The following ASIC2 variants were observed in gnomAD, a reference collection of about 807,000 sequenced individuals.
ASIC2 encodes acid sensing ion channel subunit 2.
Under a neutral mutation model 57.3 loss-of-function variants are expected in ASIC2, and 25 were observed. That is an observed-to-expected ratio of 0.44 (90% CI 0.32 to 0.61). The LOEUF (loss-of-function observed/expected upper bound fraction) is 0.61. ASIC2 is among the 20% of genes least tolerant of loss of function. The pLI is 0.06. For missense variants in ASIC2, 641 were observed against 738.1 expected (o/e 0.87, Z 1.52); for synonymous variants, 319 against 307.5 (o/e 1.04, Z -0.39).
intron 1 of ASIC2, among the ~76,000 whole-genome samples, chr17:34,020,231 G>T (rs1004513037): frequency 1.3e-5 from 2 of 152,040 alleles, no homozygotes; most frequent in African/African-American, 4.8e-5. Flanking sequence ...GTGGTCCCTG[G>T]GCCATAGTAG....
At chr17:33,399,837 T>C (rs113004889) in intron 1 of ASIC2, among the ~76,000 whole-genome samples, 19,001 of 152,214 alleles carry the variant, frequency 0.12, 1,252 homozygotes, top group Middle Eastern at 0.15. Flanking sequence ...ACACCGTCTC[T>C]GGGTTCAGTG....
At chr17:33,033,885 G>A (rs777146242) in intron 3 of ASIC2, among the ~76,000 whole-genome samples, 6 of 152,202 alleles carry the variant, frequency 3.9e-5, no homozygotes, top group Non-Finnish European at 5.9e-5. Flanking sequence ...CTCAGCCAGA[G>A]CAGAACAGAG....
intron 1 of ASIC2, among the ~76,000 whole-genome samples, chr17:33,590,364 G>A (rs1904786353): frequency 6.6e-6 from 1 of 152,122 alleles, no homozygotes; most frequent in Non-Finnish European, 1.5e-5. Flanking sequence ...TAGGACCATT[G>A]TGAGCCTCCA....
chr17:33,865,272 C>T (rs149870725), intron 1 of ASIC2, among the ~76,000 whole-genome samples: 4 of 152,288 alleles, frequency 2.6e-5, no homozygotes, highest in Middle Eastern at 3.4e-3. Context: ...GAATTGTAAG[C>T]CACATTTTGT....
intron 1 of ASIC2, among the ~76,000 whole-genome samples, chr17:34,061,113 C>A (rs1908955457): frequency 6.6e-6 from 1 of 152,124 alleles, no homozygotes; most frequent in Non-Finnish European, 1.5e-5. Flanking sequence ...ACCAGGTAAT[C>A]TATGAAGGAA....
At chr17:33,971,133 G>A (rs1905218285) in intron 1 of ASIC2, among the ~76,000 whole-genome samples, 1 of 152,200 alleles carries the variant, frequency 6.6e-6, no homozygotes, top group Non-Finnish European at 1.5e-5. Context: ...CAGTCCTCCA[G>A]CAGAAATGAT....
At chr17:33,552,932 T>G (rs999366020) in intron 1 of ASIC2, among the ~76,000 whole-genome samples, 1 of 152,144 alleles carries the variant, frequency 6.6e-6, no homozygotes, top group African/African-American at 2.4e-5. Context: ...GGAGGGGAAA[T>G]GCATTTGCAG....
intron 1 of ASIC2, chr17:33,833,937 C>G (rs1413078109): frequency 2.0e-5 from 3 of 152,168 alleles, no homozygotes; most frequent in Non-Finnish European, 4.4e-5. Flanking sequence ...GTGGCACACA[C>G]CTGTAATTCC....
chr17:33,883,841 A>G (rs780679342), intron 1 of ASIC2, among the ~76,000 whole-genome samples: 17 of 152,184 alleles, frequency 1.1e-4, no homozygotes, highest in Non-Finnish European at 1.6e-4. Flanking sequence ...CATATTTAAC[A>G]CTTATTGTAG....
chr17:33,706,081 A>T (rs1399383237), intron 1 of ASIC2, among the ~76,000 whole-genome samples: 2 of 152,040 alleles, frequency 1.3e-5, no homozygotes, highest in Non-Finnish European at 2.9e-5. Context: ...ATATATGCAC[A>T]TGTATGCATA....
chr17:33,195,255 C>T (rs1036090811), intron 1 of ASIC2, among the ~76,000 whole-genome samples: 2 of 152,180 alleles, frequency 1.3e-5, no homozygotes, highest in African/African-American at 4.8e-5. Context: ...AACATGACAG[C>T]AGTGTGGGGA....
At chr17:33,099,504 T>A (rs2092201987) in intron 2 of ASIC2, among the ~76,000 whole-genome samples, 1 of 152,230 alleles carries the variant, frequency 6.6e-6, no homozygotes, top group African/African-American at 2.4e-5. Context: ...GAAATGTGGC[T>A]ACACTTTCAT....
At chr17:33,714,952 G>A (rs1280582795) in intron 1 of ASIC2, among the ~76,000 whole-genome samples, 1 of 147,378 alleles carries the variant, frequency 6.8e-6, no homozygotes, top group South Asian at 2.2e-4. Flanking sequence ...TGAGCAGCTG[G>A]GACTACAGGC....
intron 1 of ASIC2, chr17:33,680,743 G>A (rs571667815): frequency 1.3e-5 from 2 of 152,348 alleles, no homozygotes; most frequent in South Asian, 2.1e-4. Flanking sequence ...ACTCACTGCA[G>A]AGCCAATGAG....
chr17:34,085,755 G>T (rs1242265647), intron 1 of ASIC2, among the ~76,000 whole-genome samples: 1 of 152,050 alleles, frequency 6.6e-6, no homozygotes, highest in Non-Finnish European at 1.5e-5. Flanking sequence ...CTTCTTCCTG[G>T]TTTAGTCTTG....
intron 3 of ASIC2, among the ~76,000 whole-genome samples, chr17:33,039,996 C>T (rs1478586140): frequency 1.3e-5 from 2 of 152,200 alleles, no homozygotes; most frequent in African/African-American, 4.8e-5. Context: ...ATAGTATTTT[C>T]CCAAGGAAAG....
intron 1 of ASIC2, among the ~76,000 whole-genome samples, chr17:33,959,008 G>C (rs911299603): frequency 6.6e-6 from 1 of 152,090 alleles, no homozygotes; most frequent in Admixed American, 6.5e-5. Context: ...TTTGCAAAAA[G>C]CATAACAAGA....
chr17:33,258,473 G>T (rs1909158094), intron 1 of ASIC2, among the ~76,000 whole-genome samples: 1 of 152,200 alleles, frequency 6.6e-6, no homozygotes, highest in African/African-American at 2.4e-5. Context: ...AGGGAAGGCT[G>T]CTCCCAGGAA....
chr17:33,653,759 A>G (rs916709404), intron 1 of ASIC2, among the ~76,000 whole-genome samples: 1 of 152,242 alleles, frequency 6.6e-6, no homozygotes, highest in Non-Finnish European at 1.5e-5. Context: ...AAGAAGAAAC[A>G]TGGAATCTGG....
Sources: gnomAD v4.1 joint callset for allele counts (sites outside exome capture counted in the v4.1 genomes callset) on GRCh38, gnomAD v4.1.1 for gene constraint, MANE v1.5 for transcripts, NCBI Gene and HGNC (gene_info 2026-07-23, HGNC 2026-07-21) for gene names.